CHCHD6: variants seen among roughly 807,000 people sequenced by gnomAD.
CHCHD6 encodes coiled-coil-helix-coiled-coil-helix domain containing 6, also known as MICOS complex subunit MIC25.
A neutral mutation model predicts 32.3 loss-of-function variants in CHCHD6; 28 were observed. The observed-to-expected ratio is 0.87, with a 90% CI of 0.64 to 1.19. The LOEUF (loss-of-function observed/expected upper bound fraction) is 1.19. Ranked by LOEUF, CHCHD6 falls within the 50% of genes most tolerant of loss-of-function variation. The pLI, the probability that CHCHD6 is intolerant of heterozygous loss-of-function variation, is 0.00. For missense variants in CHCHD6, 333 were observed against 307.0 expected, an observed-to-expected ratio of 1.08 and a Z score of -0.63; for synonymous variants, 122 against 117.5, an observed-to-expected ratio of 1.04 and a Z score of -0.25.
intron 1 of CHCHD6, among the ~76,000 whole-genome samples, chr3:126,719,096 G>T (rs2107653476): frequency 6.6e-6 from 1 of 152,294 alleles, no homozygotes; most frequent in Non-Finnish European, 1.5e-5. Context: ...CCTCAGATCA[G>T]ATGTGAATGC....
chr3:126,939,710 A>G (rs2078532569), intron 6 of CHCHD6, among the ~76,000 whole-genome samples: 1 of 152,254 alleles, frequency 6.6e-6, no homozygotes, highest in Non-Finnish European at 1.5e-5. Context: ...TCTTTAACAA[A>G]TACAACAGAA....
intron 4 of CHCHD6, among the ~76,000 whole-genome samples, chr3:126,816,842 C>T (rs1001731537): frequency 2.0e-5 from 3 of 152,060 alleles, no homozygotes; most frequent in African/African-American, 7.2e-5. Context: ...AGGTATTTCT[C>T]CTAATGCTAT....
At chr3:126,793,953 T>C (rs948520455) in intron 4 of CHCHD6, among the ~76,000 whole-genome samples, 2 of 152,188 alleles carry the variant, frequency 1.3e-5, no homozygotes, top group African/African-American at 4.8e-5. Flanking sequence ...TGGTTTCTGT[T>C]GAGAAATTCA....
intron 4 of CHCHD6, among the ~76,000 whole-genome samples, chr3:126,843,985 T>G (rs1384894336): frequency 2.0e-5 from 3 of 152,226 alleles, no homozygotes; most frequent in African/African-American, 7.2e-5. Context: ...ACTTTTTCTT[T>G]TGGTTAGGAC....
intron 6 of CHCHD6, among the ~76,000 whole-genome samples, chr3:126,934,237 A>G (rs1225180450): frequency 6.6e-6 from 1 of 152,254 alleles, no homozygotes; most frequent in Admixed American, 6.5e-5. Context: ...ATGACTGGTT[A>G]TCTGGGTTCT....
intron 4 of CHCHD6, among the ~76,000 whole-genome samples, chr3:126,743,188 G>A (rs893417607): frequency 6.6e-6 from 1 of 152,156 alleles, no homozygotes; most frequent in Non-Finnish European, 1.5e-5. Flanking sequence ...TCAGAATCTC[G>A]CTGTTCTAGA....
chr3:126,842,249 A>G (rs1477171277), intron 4 of CHCHD6, among the ~76,000 whole-genome samples: 1 of 152,202 alleles, frequency 6.6e-6, no homozygotes, highest in Admixed American at 6.5e-5. Flanking sequence ...TTTTAAAAAA[A>G]AGAACTGTTT....
At chr3:126,791,321 G>T (rs992177393) in intron 4 of CHCHD6, among the ~76,000 whole-genome samples, 3 of 152,194 alleles carry the variant, frequency 2.0e-5, no homozygotes, top group African/African-American at 7.2e-5. Context: ...CAGACTCCGT[G>T]CTGGGAGAAC....
intron 5 of CHCHD6, among the ~76,000 whole-genome samples, chr3:126,877,835 TTGTC>T (rs1451291164): frequency 6.6e-6 from 1 of 152,196 alleles, no homozygotes. Context: ...GTACATGGGA[TTGTC>T]TGAATTATTT....
At chr3:126,707,660 C>T (rs1263860267) in intron 1 of CHCHD6, among the ~76,000 whole-genome samples, 1 of 152,194 alleles carries the variant, frequency 6.6e-6, no homozygotes, top group African/African-American at 2.4e-5. Context: ...CTGTTCCAGT[C>T]ACTTGCATGT....
At chr3:126,780,003 G>A (rs1937854937) in intron 4 of CHCHD6, among the ~76,000 whole-genome samples, 1 of 152,124 alleles carries the variant, frequency 6.6e-6, no homozygotes, top group Non-Finnish European at 1.5e-5. Context: ...ATTCCTTTTG[G>A]TCAGTTAAGT....
chr3:126,902,333 G>C (rs2077940255), intron 5 of CHCHD6, among the ~76,000 whole-genome samples: 1 of 152,190 alleles, frequency 6.6e-6, no homozygotes, highest in African/African-American at 2.4e-5. Context: ...CTGCCTTCCA[G>C]AGCCCAGTGG....
At chr3:126,723,113 G>A (rs1048492062) in intron 1 of CHCHD6, among the ~76,000 whole-genome samples, 2 of 152,166 alleles carry the variant, frequency 1.3e-5, no homozygotes, top group South Asian at 2.1e-4. Context: ...ACTGACCATA[G>A]AGATAAAGGT....
At chr3:126,824,551 A>T (rs1225501789) in intron 4 of CHCHD6, among the ~76,000 whole-genome samples, 5 of 98,938 alleles carry the variant, frequency 5.1e-5, no homozygotes. Flanking sequence ...ATAGAGCAAG[A>T]CTCTGTCTCA....
intron 4 of CHCHD6, among the ~76,000 whole-genome samples, chr3:126,794,127 G>C (rs1042401797): frequency 1.3e-5 from 2 of 151,846 alleles, no homozygotes; most frequent in Non-Finnish European, 2.9e-5. Flanking sequence ...ACTCTACAGG[G>C]TTTTCTTTCA....
chr3:126,710,189 G>GT, intron 1 of CHCHD6, among the ~76,000 whole-genome samples: 1 of 152,306 alleles, frequency 6.6e-6, no homozygotes, highest in Non-Finnish European at 1.5e-5. Flanking sequence ...TCCAGGCTCT[G>GT]TTGAAAAGAT....
intron 4 of CHCHD6, among the ~76,000 whole-genome samples, chr3:126,764,492 A>G (rs1268911214): frequency 6.6e-6 from 1 of 152,164 alleles, no homozygotes; most frequent in African/African-American, 2.4e-5. Context: ...AATTTAAGCC[A>G]AAGGGAGGTG....
intron 5 of CHCHD6, among the ~76,000 whole-genome samples, chr3:126,862,084 T>C (rs867758484): frequency 3.2e-4 from 9 of 28,244 alleles, no homozygotes; most frequent in African/African-American, 5.8e-4. Flanking sequence ...CACCACCTCC[T>C]CCTCCTCCAC....
chr3:126,794,835 T>G (rs530152161), intron 4 of CHCHD6, among the ~76,000 whole-genome samples: 1 of 152,286 alleles, frequency 6.6e-6, no homozygotes, highest in African/African-American at 2.4e-5. Context: ...TGGGGGACAG[T>G]GTATACTAAT....
Sources: gnomAD v4.1 joint callset for allele counts (sites outside exome capture counted in the v4.1 genomes callset) on GRCh38, gnomAD v4.1.1 for gene constraint, MANE v1.5 for transcripts, NCBI Gene and HGNC (gene_info 2026-07-23, HGNC 2026-07-21) for gene names.